BCL2L14: variants seen among roughly 807,000 people sequenced by gnomAD.
The protein encoded by BCL2L14 is BCL2 like 14.
Under a neutral mutation model 35.3 loss-of-function variants are expected in BCL2L14, and 27 were observed. The observed-to-expected ratio is 0.76, with a 90% confidence interval of 0.56 to 1.05. The LOEUF is 1.05. Among genes scored for constraint, BCL2L14 ranks in the 50% least tolerant of loss-of-function variants. The probability of loss-of-function intolerance (pLI) is 0.00; values close to 1 mark genes in which losing one functional copy is unlikely to be tolerated. For synonymous variants in BCL2L14, 139 were observed against 145.9 expected (o/e 0.95, Z 0.34); for missense variants, 377 against 382.6 (o/e 0.99, Z 0.12).
chr12:12,090,587 C>T (rs774627908), intron 3 of BCL2L14, among the ~76,000 whole-genome samples, 192 bp from the exon 4 acceptor site: 4 of 151,218 alleles, frequency 2.6e-5, no homozygotes, highest in African/African-American at 4.9e-5. Flanking sequence ...GAGGCAAGAT[C>T]GCACCATTGC....
chr12:12,087,006 T>A (rs1387298444), intron 2 of BCL2L14, among the ~76,000 whole-genome samples: 1 of 152,138 alleles, frequency 6.6e-6, no homozygotes, highest in Non-Finnish European at 1.5e-5. Context: ...AAGGTGACAA[T>A]CATTCCTGCA....
chr12:12,081,627 C>T lies in BCL2L14; in HGVS notation c.433+1889C>T, dbSNP rs187952144. 1.2e-3 allele frequency among the ~76,000 whole-genome samples: 185 copies of T among 150,844 alleles called. No individual in the cohort carries two copies. In the Middle Eastern group the frequency reaches 0.021, roughly 17 times the overall value. On this transcript the variant is annotated intron_variant, in intron 2 of 5. Coordinates refer to ENST00000308721, the MANE Select transcript of BCL2L14 (RefSeq NM_138723.2). Reference sequence around the variant, plus strand: ...AGGCTGGAGTGCTGTGGTGTAATCTCGGCTCACTGCAAGCTCCGCCTCCCA... The same window carrying T: ...AGGCTGGAGTGCTGTGGTGTAATCTTGGCTCACTGCAAGCTCCGCCTCCCA...
chr12:12,087,607 T>G (rs947786331), intron 3 of BCL2L14, among the ~76,000 whole-genome samples: 4 of 151,954 alleles, frequency 2.6e-5, no homozygotes, highest in African/African-American at 7.3e-5. Flanking sequence ...CTCTGCTAAG[T>G]AAGAAAGGAA....
intron 2 of BCL2L14, among the ~76,000 whole-genome samples, chr12:12,082,043 T>C (rs7975324): frequency 2.6e-5 from 4 of 151,954 alleles, no homozygotes; most frequent in African/African-American, 9.7e-5. Context: ...GGAAACTCCC[T>C]TTTCCCATTA....
chr12:12,095,813 A>C, intron 5 of BCL2L14: 1 of 985,370 alleles, frequency 1.0e-6, no homozygotes, highest in Non-Finnish European at 1.2e-6. Context: ...AAGGGTCTGA[A>C]GTGCCCGCCA....
At position 12,087,282 on chromosome 12, in the gene BCL2L14, A is replaced by C. The variant is rs771791511; in HGVS notation, c.503A>C (p.Gln168Pro). The change falls in exon 3 of 6, where the codon CAA (glutamine) becomes CCA (proline). Residue 168 changes from glutamine (Q) to proline (P), a missense_variant. Physicochemically the swap from Gln to Pro is moderately conservative, Grantham distance 76 (BLOSUM62 -1). Transcript: ENST00000308721. ...ATTGTTTACTCCTGGCCACCACCAC[A>C]AGCGACCCAGGCAGGAGGCTTCAAG... ...AEIVYSWPPP[Q>P]ATQAGGFKSK... 1.9e-6 allele frequency: 3 copies of C among 1,614,010 alleles called. No individual in the cohort carries two copies. In the African/African-American group the frequency reaches 4.0e-5, roughly 22 times the overall value.
intron 3 of BCL2L14, among the ~76,000 whole-genome samples, chr12:12,088,883 T>TAAA (rs67513616): frequency 1.3e-5 from 2 of 150,872 alleles, no homozygotes; most frequent in African/African-American, 4.9e-5. Flanking sequence ...CTGAGTCTGC[T>TAAA]AAAAAAAAAC....
At chr12:12,075,561 G>T (rs1489096446) in intron 1 of BCL2L14, among the ~76,000 whole-genome samples, 6 of 152,044 alleles carry the variant, frequency 3.9e-5, no homozygotes, top group Non-Finnish European at 8.8e-5. Context: ...GAGTAGCTGG[G>T]ATTGCAGGCA....
intron 2 of BCL2L14, among the ~76,000 whole-genome samples, chr12:12,081,703 C>T (rs1468216183): frequency 5.9e-5 from 9 of 151,954 alleles, no homozygotes; most frequent in South Asian, 4.2e-4. Context: ...GGATCACAGG[C>T]GCGCACCACC....
At chr12:12,065,947 T>C (rs1416123344), upstream of BCL2L14, among the ~76,000 whole-genome samples, 1 of 152,068 alleles carries the variant, frequency 6.6e-6, no homozygotes, top group Admixed American at 6.6e-5. Context: ...CCCACCACCA[T>C]GCCCAGCTAA....
chr12:12,068,056 G>A (rs7306729), upstream of BCL2L14: 4,493 of 393,818 alleles, frequency 0.011, 183 homozygotes, highest in African/African-American at 0.083. Context: ...CAATCCTCCC[G>A]CCTCAGTCTC....
chr12:12,058,354 G>A (rs371126907), intron 2 of BCL2L14, among the ~76,000 whole-genome samples: 9 of 150,742 alleles, frequency 6.0e-5, no homozygotes, highest in South Asian at 4.2e-4. Context: ...GGGTTCAAGC[G>A]ATTCTCCTGC....
rs749353035 is a variant in BCL2L14, at chr12:12,099,126, G to A, written c.*138G>A. The stretch of plus-strand genomic sequence containing the variant: ...TTCAAAACCATTATTCCTGTGACTG[G>A]AGAGGCATCAGGAGAGGTCTCGTTC... On this transcript the variant is annotated 3_prime_UTR_variant, in exon 6 of 6. Transcript: ENST00000308721. 3 of 664,378 alleles carry A rather than the reference G, an allele frequency of 4.5e-6. No individual in the cohort carries two copies. Among genetic ancestry groups the A allele is most frequent in the Non-Finnish European group, 8.1e-6 (3 of 369,772 alleles). 41.2% of individuals were successfully genotyped at this position (664,378 alleles called of 1,614,324 possible).
At position 12,094,739 on chromosome 12, in the gene BCL2L14, C is replaced by G. The variant is rs1462737106; in HGVS notation, c.754C>G (p.Gln252Glu). ...SYSVFKTITD[Q>E]VLMGVDPRGE... ...CTCTGTTTTCAAGACCATCACAGAC[C>G]AGGTCCTAATGGGTGTGGACCCCAG... Residue 252 changes from glutamine (Q) to glutamate (E), a missense_variant, in exon 5 of 6, where the codon CAG (glutamine) becomes GAG (glutamate). Gln to Glu is a conservative substitution (Grantham distance 29, BLOSUM62 2). Transcript: ENST00000308721. 1.2e-6 allele frequency: 2 copies of G among 1,614,218 alleles called. No homozygotes were observed. Among genetic ancestry groups the G allele is most frequent in the East Asian group, 4.5e-5 (2 of 44,886 alleles).
intron 2 of BCL2L14, among the ~76,000 whole-genome samples, chr12:12,080,169 C>G (rs6488497): frequency 0.089 from 13,427 of 151,204 alleles, 766 homozygotes; most frequent in East Asian, 0.27. Context: ...GGCATCACTG[C>G]ACTCCAGCTT....
At chr12:12,060,132 C>T (rs1336183881) in intron 2 of BCL2L14, among the ~76,000 whole-genome samples, 2 of 151,440 alleles carry the variant, frequency 1.3e-5, no homozygotes, top group Non-Finnish European at 2.9e-5. Context: ...TGCTCCTCCA[C>T]CCTATAATCC....
intron 5 of BCL2L14, chr12:12,095,360 A>G: frequency 5.1e-6 from 5 of 985,460 alleles, no homozygotes; most frequent in Non-Finnish European, 6.0e-6. Context: ...CTCAGGGTTC[A>G]TGGCATTTTG....
At chr12:12,095,563 G>A (rs908418279) in intron 5 of BCL2L14, 7 of 985,246 alleles carry the variant, frequency 7.1e-6, no homozygotes, top group Non-Finnish European at 8.4e-6. Context: ...TGTTCAAACA[G>A]CTACATAAGG....
At chr12:12,069,633 A>G (rs7973264), upstream of BCL2L14, among the ~76,000 whole-genome samples, 62,190 of 149,770 alleles carry the variant, frequency 0.42, 13,087 homozygotes, top group Middle Eastern at 0.52. Flanking sequence ...GCGTGAACCC[A>G]GGAGGTGGAG....
Sources: gnomAD v4.1 joint callset for allele counts (sites outside exome capture counted in the v4.1 genomes callset) on GRCh38, gnomAD v4.1.1 for gene constraint, MANE v1.5 for transcripts, NCBI Gene and HGNC (gene_info 2026-07-23, HGNC 2026-07-21) for gene names.